CAMK4: variants seen among roughly 807,000 people sequenced by gnomAD.
The protein encoded by CAMK4 is calcium/calmodulin dependent protein kinase IV, also known as calcium/calmodulin-dependent protein kinase type IV.
CAMK4 carries 22 observed loss-of-function variants against 44.9 expected under a neutral mutation model. The ratio of observed to expected loss-of-function variants is 0.49; its 90% CI spans 0.35 to 0.70. The LOEUF (loss-of-function observed/expected upper bound fraction) is 0.70, where lower values mean the gene tolerates loss of function less well. Ranked by LOEUF, CAMK4 falls within the 30% of genes least tolerant of loss-of-function variation. The pLI, the probability that CAMK4 is intolerant of heterozygous loss-of-function variation, is 0.01. For synonymous variants in CAMK4, 218 were observed against 215.4 expected, an observed-to-expected ratio of 1.01 and a Z score of -0.11; for missense variants, 498 against 586.8, an observed-to-expected ratio of 0.85 and a Z score of 1.56.
chr5:111,377,039 A>G, intron 4 of CAMK4, 97 bp downstream of exon 4: 1 of 727,610 alleles, frequency 1.4e-6, no homozygotes, highest in Non-Finnish European at 2.4e-6. Flanking sequence ...TTATAATGAC[A>G]GATTATACTT....
chr5:111,344,022 A>G lies in CAMK4; in HGVS notation c.162-2A>G. 6.3e-7 allele frequency: 1 copy of G among 1,580,792 alleles called. No homozygotes were observed. Among genetic ancestry groups the G allele is most frequent in the Admixed American group, 1.7e-5 (1 of 58,388 alleles). ...TTTCTTTTTGTCTTTTTCCCCCTCA[A>G]GGGGTGCTACATCCATTGTGTACAG... On this transcript the variant is annotated splice_acceptor_variant, in intron 1 of 10. Transcript: ENST00000282356. LOFTEE classifies it high-confidence loss of function.
chr5:111,463,165 G>A (rs889150648), intron 7 of CAMK4, among the ~76,000 whole-genome samples: 6 of 152,154 alleles, frequency 3.9e-5, no homozygotes, highest in Admixed American at 1.3e-4. Context: ...GTGGTAGACA[G>A]ATTGGATTCA....
intron 1 of CAMK4, among the ~76,000 whole-genome samples, chr5:111,282,010 G>C: frequency 6.6e-6 from 1 of 150,980 alleles, no homozygotes; most frequent in East Asian, 1.9e-4. Flanking sequence ...AGTGAGCCGA[G>C]ATTGCGCCAC....
At chr5:111,439,382 G>A (rs1459962238) in intron 5 of CAMK4, among the ~76,000 whole-genome samples, 1 of 152,154 alleles carries the variant, frequency 6.6e-6, no homozygotes, top group East Asian at 1.9e-4. Flanking sequence ...AGGGCAGTAA[G>A]CAGGGAAAGG....
At chr5:111,410,245 A>G (rs112626535) in intron 5 of CAMK4, among the ~76,000 whole-genome samples, 6,249 of 130,258 alleles carry the variant, frequency 0.048, 180 homozygotes, top group Middle Eastern at 0.097. Flanking sequence ...GGGAGGCCTC[A>G]CAATCATGGC....
rs751392827 is a variant in CAMK4 at position 111,472,018 on chromosome 5, G to A, written c.626-1293G>A. 6.6e-5 allele frequency among the ~76,000 whole-genome samples: 10 copies of A among 152,000 alleles called. No homozygotes were observed. The South Asian group carries it at 1.9e-3, about 28-fold the overall frequency. ...AGCTATTCTCCTGCCTCAGCCTCCC[G>A]AGTAGCTGGGATTACAGGCACCTAC... On this transcript the variant is annotated intron_variant, in intron 7 of 10. Transcript: ENST00000282356.
chr5:111,461,170 C>T (rs1450371680), intron 7 of CAMK4, among the ~76,000 whole-genome samples: 1 of 152,130 alleles, frequency 6.6e-6, no homozygotes, highest in Non-Finnish European at 1.5e-5. Flanking sequence ...TTTTTCTTTT[C>T]TCACTCCACT....
At chr5:111,470,879 A>T (rs921422700) in intron 7 of CAMK4, among the ~76,000 whole-genome samples, 13 of 152,214 alleles carry the variant, frequency 8.5e-5, no homozygotes, top group African/African-American at 2.9e-4. Context: ...TAACTCTCTC[A>T]AAACAGTCTC....
chr5:111,393,135 G>A (rs996145167), intron 4 of CAMK4, among the ~76,000 whole-genome samples: 3 of 152,136 alleles, frequency 2.0e-5, no homozygotes, highest in East Asian at 3.9e-4. Flanking sequence ...TAACAAAGAA[G>A]CAGCAATGAT....
At chr5:111,335,835 G>A (rs1376155500) in intron 1 of CAMK4, among the ~76,000 whole-genome samples, 1 of 151,266 alleles carries the variant, frequency 6.6e-6, no homozygotes, top group Non-Finnish European at 1.5e-5. Flanking sequence ...TTTATACGTA[G>A]TATTTCAGTT....
intron 7 of CAMK4, among the ~76,000 whole-genome samples, chr5:111,460,851 AT>A (rs552877300): frequency 2.7e-3 from 415 of 151,002 alleles, no homozygotes; most frequent in African/African-American, 6.9e-3. Context: ...AATAAGTTGT[AT>A]TTTTTTTTCC....
intron 1 of CAMK4, among the ~76,000 whole-genome samples, chr5:111,293,526 A>C (rs951583631): frequency 2.0e-5 from 3 of 150,522 alleles, no homozygotes; most frequent in Admixed American, 6.6e-5. Flanking sequence ...TCCCGGGTTC[A>C]AATGATTCCC....
chr5:111,328,820 AT>A (rs1749021240), intron 1 of CAMK4, among the ~76,000 whole-genome samples: 1 of 151,870 alleles, frequency 6.6e-6, no homozygotes, highest in Non-Finnish European at 1.5e-5. Context: ...TTTGTCTGTT[AT>A]TGGTGTATAA....
At chr5:111,269,450 T>C (rs561032887) in intron 1 of CAMK4, among the ~76,000 whole-genome samples, 1 of 152,168 alleles carries the variant, frequency 6.6e-6, no homozygotes, top group East Asian at 1.9e-4. Context: ...GCAGGAGAAA[T>C]AGTGGCCACA....
At chr5:111,427,752 T>C (rs1309977749) in intron 5 of CAMK4, among the ~76,000 whole-genome samples, 2 of 152,234 alleles carry the variant, frequency 1.3e-5, no homozygotes, top group Non-Finnish European at 2.9e-5. Context: ...TCTAAGGTTT[T>C]TGACTGTAGT....
chr5:111,350,265 A>T (rs1750039274), intron 2 of CAMK4, among the ~76,000 whole-genome samples: 1 of 152,092 alleles, frequency 6.6e-6, no homozygotes, highest in Admixed American at 6.6e-5. Context: ...TATTAATTGC[A>T]ATGTGTTCAC....
intron 5 of CAMK4, among the ~76,000 whole-genome samples, chr5:111,427,995 G>C (rs1206278393): frequency 6.6e-6 from 1 of 152,222 alleles, no homozygotes; most frequent in African/African-American, 2.4e-5. Flanking sequence ...TGGCCACAGG[G>C]GTGCTTGTGT....
chr5:111,469,065 A>G (rs1169421639), intron 7 of CAMK4, among the ~76,000 whole-genome samples: 1 of 146,388 alleles, frequency 6.8e-6, no homozygotes, highest in African/African-American at 2.5e-5. Flanking sequence ...AAGCGCTTGA[A>G]CCCAGGAGGC....
chr5:111,265,574 C>A (rs1438117795), intron 1 of CAMK4, among the ~76,000 whole-genome samples: 1 of 152,086 alleles, frequency 6.6e-6, no homozygotes, highest in Non-Finnish European at 1.5e-5. Context: ...AGGCTTTATC[C>A]AGCAGGTACC....
Sources: gnomAD v4.1 joint callset for allele counts (sites outside exome capture counted in the v4.1 genomes callset) on GRCh38, gnomAD v4.1.1 for gene constraint, MANE v1.5 for transcripts, NCBI Gene and HGNC (gene_info 2026-07-23, HGNC 2026-07-21) for gene names.